The following CADM2 variants were observed in gnomAD, a reference collection of about 807,000 sequenced individuals.
The protein encoded by CADM2 is cell adhesion molecule 2.
In CADM2, 12 loss-of-function variants were observed where a neutral mutation model predicts 49.8. That is an observed-to-expected ratio of 0.24 (90% confidence interval 0.15 to 0.39). CADM2 has a LOEUF of 0.39. Ranked by LOEUF, CADM2 falls within the 10% of genes least tolerant of loss-of-function variation. The probability of loss-of-function intolerance (pLI) is 1.00; values close to 1 mark genes in which losing one functional copy is unlikely to be tolerated. For missense variants in CADM2, 378 were observed against 492.3 expected (o/e 0.77, Z 2.20); for synonymous variants, 214 against 175.4 (o/e 1.22, Z -1.74).
chr3:85,380,950 A>G (rs2033870121), intron 1 of CADM2, among the ~76,000 whole-genome samples: 1 of 152,070 alleles, frequency 6.6e-6, no homozygotes, highest in South Asian at 2.1e-4. Flanking sequence ...TGTAATCTTA[A>G]AAGTAGAAGG....
At chr3:85,482,196 A>G (rs2039242223) in intron 1 of CADM2, among the ~76,000 whole-genome samples, 1 of 151,716 alleles carries the variant, frequency 6.6e-6, no homozygotes, top group African/African-American at 2.4e-5. Flanking sequence ...GGATATGGAA[A>G]ATTTTTCACA....
intron 1 of CADM2, among the ~76,000 whole-genome samples, chr3:85,512,429 C>A (rs912752189): frequency 6.6e-6 from 1 of 151,840 alleles, no homozygotes; most frequent in Non-Finnish European, 1.5e-5. Context: ...GATTTCATGT[C>A]TTTGTTATTG....
At chr3:85,052,555 C>A (rs1230545528) in intron 1 of CADM2, among the ~76,000 whole-genome samples, 1 of 152,022 alleles carries the variant, frequency 6.6e-6, no homozygotes, top group South Asian at 2.1e-4. Flanking sequence ...CCTCACCTAA[C>A]AGAAGTACTA....
At chr3:85,445,618 T>A (rs2037412660) in intron 1 of CADM2, among the ~76,000 whole-genome samples, 1 of 152,092 alleles carries the variant, frequency 6.6e-6, no homozygotes, top group Non-Finnish European at 1.5e-5. Context: ...TAAGCATTTA[T>A]TAAATGCCTA....
At chr3:85,757,807 C>T (rs1012864607) in intron 2 of CADM2, among the ~76,000 whole-genome samples, 1 of 152,038 alleles carries the variant, frequency 6.6e-6, no homozygotes, top group African/African-American at 2.4e-5. Flanking sequence ...TGATTATAAT[C>T]TTTGTGATCT....
chr3:85,803,145 T>G (rs2072162131), intron 3 of CADM2, among the ~76,000 whole-genome samples: 1 of 152,132 alleles, frequency 6.6e-6, no homozygotes, highest in Non-Finnish European at 1.5e-5. Flanking sequence ...ATTGTTACAA[T>G]TTTTCTTCTT....
At position 85,077,698 on chromosome 3, in the gene CADM2, C is replaced by T. The variant is rs567516475; in HGVS notation, c.61+118030C>T. ...CATTAAACAGCTTAAAATACATTCT[C>T]GAAATAAAAGTAAATGAGATTATAT... On this transcript the variant is annotated intron_variant, in intron 1 of 9. Transcript: ENST00000383699. 2.2e-4 allele frequency among the ~76,000 whole-genome samples: 33 copies of T among 151,930 alleles called. No homozygotes were observed. The East Asian group carries it at 2.3e-3, about 11-fold the overall frequency.
chr3:85,653,568 G>T (rs921024050), intron 1 of CADM2, among the ~76,000 whole-genome samples: 14 of 151,996 alleles, frequency 9.2e-5, no homozygotes, highest in Non-Finnish European at 1.5e-4. Context: ...AGGGGAGAAT[G>T]ATCAAGAGAT....
chr3:85,916,877 G>C (rs1415594786), intron 6 of CADM2, among the ~76,000 whole-genome samples: 7 of 152,168 alleles, frequency 4.6e-5, no homozygotes, highest in Admixed American at 2.0e-4. Context: ...ACTGGTGTGA[G>C]GTGGTATCTC....
intron 1 of CADM2, among the ~76,000 whole-genome samples, chr3:85,391,187 G>T (rs1292100372): frequency 6.6e-6 from 1 of 151,982 alleles, no homozygotes; most frequent in East Asian, 1.9e-4. Context: ...GATACATTGG[G>T]TCTATTGTAT....
chr3:85,871,923 T>C (rs1312581567), intron 3 of CADM2, among the ~76,000 whole-genome samples: 1 of 152,200 alleles, frequency 6.6e-6, no homozygotes, highest in Non-Finnish European at 1.5e-5. Flanking sequence ...ATTCAAAATA[T>C]GTTGTGGAAT....
intron 1 of CADM2, among the ~76,000 whole-genome samples, chr3:85,226,414 G>T (rs531728460): frequency 6.6e-6 from 1 of 152,082 alleles, no homozygotes; most frequent in African/African-American, 2.4e-5. Context: ...TTGCATAGAG[G>T]TGTTTATGGT....
intron 8 of CADM2, among the ~76,000 whole-genome samples, chr3:85,976,696 A>T (rs1238837864): frequency 2.6e-5 from 4 of 151,486 alleles, no homozygotes; most frequent in Non-Finnish European, 5.9e-5. Context: ...TTTAAACCCA[A>T]TTGTCATTTT....
chr3:85,016,162 T>A (rs922395549), intron 1 of CADM2, among the ~76,000 whole-genome samples: 1 of 152,152 alleles, frequency 6.6e-6, no homozygotes, highest in Non-Finnish European at 1.5e-5. Context: ...TATAAAGTAA[T>A]GCCAGGTAGA....
At chr3:85,828,649 C>A (rs2074036481) in intron 3 of CADM2, among the ~76,000 whole-genome samples, 1 of 151,874 alleles carries the variant, frequency 6.6e-6, no homozygotes, top group Non-Finnish European at 1.5e-5. Context: ...CTCACTCTCT[C>A]ATTCTTTGTT....
rs1559916330 is a variant in CADM2, at chr3:85,568,535, T to TTTC, written c.62-157985_62-157984insCTT. Among the ~76,000 whole-genome samples the TTTC allele has an allele frequency of 3.1e-3, 158 of 51,150 alleles. 5 individuals carry two copies. Among genetic ancestry groups the TTTC allele is most frequent in the African/African-American group, 6.7e-3 (148 of 22,188 alleles). 33.6% of individuals were successfully genotyped at this position (51,150 alleles called of 152,430 possible). On this transcript the variant is annotated intron_variant, in intron 1 of 9. Transcript: ENST00000383699. ...TCTTTCCTCCCTCCCTCCCTCTCTC[T>TTTC]TTTCTTTCTTTCTTTCTCTTTCTTT... is the stretch of plus-strand genomic sequence containing the variant.
chr3:86,050,527 C>A (rs368344939), intron 8 of CADM2, among the ~76,000 whole-genome samples: 15 of 152,312 alleles, frequency 9.8e-5, no homozygotes, highest in African/African-American at 3.1e-4. Flanking sequence ...CTCTCATTTC[C>A]CACTTTGCAC....
intron 1 of CADM2, among the ~76,000 whole-genome samples, chr3:84,998,866 CA>C (rs1239247797): frequency 3.3e-5 from 5 of 151,900 alleles, no homozygotes; most frequent in South Asian, 2.1e-4. Flanking sequence ...GAAATGGATG[CA>C]AAAAAATATT....
intron 2 of CADM2, among the ~76,000 whole-genome samples, chr3:85,798,611 C>A (rs566032827): frequency 2.0e-5 from 3 of 152,118 alleles, no homozygotes; most frequent in African/African-American, 2.4e-5. Flanking sequence ...GGACTCTGTT[C>A]TTTTCCATTG....
Sources: gnomAD v4.1 joint callset for allele counts (sites outside exome capture counted in the v4.1 genomes callset) on GRCh38, gnomAD v4.1.1 for gene constraint, MANE v1.5 for transcripts, NCBI Gene and HGNC (gene_info 2026-07-23, HGNC 2026-07-21) for gene names.